Variants in ZNF180 observed in about 807,000 individuals in gnomAD.
ZNF180 encodes the protein zinc finger protein 180 (HHZ168).
ZNF180 carries 11 observed loss-of-function variants against 11.8 expected under a neutral mutation model. The observed-to-expected ratio is 0.93, with a 90% confidence interval of 0.59 to 1.55. The LOEUF is 1.55. Among genes scored for constraint, ZNF180 ranks in the 40% most tolerant of loss-of-function variants. ZNF180 has a pLI of 0.00. For synonymous variants in ZNF180, 287 were observed against 257.7 expected (o/e 1.11, Z -1.09); for missense variants, 773 against 781.7 (o/e 0.99, Z 0.13).
At chr19:44,491,433 A>G (rs1246888621) in intron 2 of ZNF180, among the ~76,000 whole-genome samples, 1 of 152,246 alleles carries the variant, frequency 6.6e-6, no homozygotes, top group Non-Finnish European at 1.5e-5. Context: ...ATTACTGACC[A>G]TTTTAGGAAT....
At position 44,477,887 on chromosome 19, in the gene ZNF180, C is replaced by G; in HGVS notation, c.513G>C (p.Lys171Asn). 1 of 1,613,944 alleles carries G rather than the reference C, an allele frequency of 6.2e-7. No individual in the cohort carries two copies. The highest frequency in any genetic ancestry group is 8.5e-7 in the Non-Finnish European group (1 of 1,179,998). ...RVCKSDETGE[K>N]SGLNSSLFSS... ...AAAATAGACTGGAATTCAGACCACT[C>G]TTCTCCCCAGTTTCATCACTTTTGC... The change falls in exon 5 of 5, where the codon AAG (lysine) becomes AAC (asparagine). Residue 171 changes from lysine to asparagine, a missense_variant. Transcript: ENST00000592529.
chr19:44,480,941 G>A (rs1970062287), intron 3 of ZNF180, among the ~76,000 whole-genome samples: 1 of 152,136 alleles, frequency 6.6e-6, no homozygotes, highest in Non-Finnish European at 1.5e-5. Context: ...GAGCCAAAGT[G>A]ACCTTTATTC....
At chr19:44,494,618 T>C (rs1970532889) in intron 2 of ZNF180, among the ~76,000 whole-genome samples, 1 of 152,092 alleles carries the variant, frequency 6.6e-6, no homozygotes, top group African/African-American at 2.4e-5. Flanking sequence ...GCTGCAGTGA[T>C]CTATGCTGGT....
intron 2 of ZNF180, among the ~76,000 whole-genome samples, chr19:44,494,415 G>A (rs1054561899): frequency 1.3e-5 from 2 of 152,070 alleles, no homozygotes; most frequent in African/African-American, 4.8e-5. Context: ...CCGTAATCCC[G>A]GCACTTTGGG....
chr19:44,483,720 T>C (rs1301354896), intron 3 of ZNF180, among the ~76,000 whole-genome samples: 1 of 152,242 alleles, frequency 6.6e-6, no homozygotes, highest in African/African-American at 2.4e-5. Context: ...CATATAGAGC[T>C]AATTTATTCA....
intron 2 of ZNF180, among the ~76,000 whole-genome samples, chr19:44,489,081 CCGCCCCG>C (rs1970339978): frequency 7.6e-6 from 1 of 131,602 alleles, no homozygotes; most frequent in East Asian, 4.6e-4. Context: ...GCCCGGCCAG[CCGCCCCG>C]TCCGGGAGGG....
chr19:44,479,524 TA>T, intron 3 of ZNF180, 115 bp from the exon 4 acceptor site: 1 of 1,432,470 alleles, frequency 7.0e-7, no homozygotes, highest in Non-Finnish European at 9.6e-7. Flanking sequence ...GAGTTGTCCT[TA>T]AATTGTCAGT....
At position 44,477,101 on chromosome 19, in the gene ZNF180, G is replaced by A. The variant is rs954313; in HGVS notation, c.1299C>T (p.Thr433=). ...GATTACATTCATAGGGCTTCTCTCC[G>A]GTATGTGTTCTTTGATGTGCAATAA... is the stretch of plus-strand genomic sequence containing the variant. ...YKLIAHQRTH[T]GEKPYECNQC... Residue 433 remains threonine (T), a synonymous_variant, in exon 5 of 5, where the codon ACC becomes ACT. Transcript: ENST00000592529. 0.063 allele frequency: 101,222 copies of A among 1,613,732 alleles called. 5,443 individuals are homozygous for A. The highest frequency in any genetic ancestry group is 0.33 in the East Asian group (14,827 of 44,844).
rs1230717403 is a variant in ZNF180, at chr19:44,477,523, G to C, written c.877C>G (p.Gln293Glu). 1 of 1,614,076 alleles carries C rather than the reference G, an allele frequency of 6.2e-7. No individual in the cohort carries two copies. The highest frequency in any genetic ancestry group is 8.5e-7 in the Non-Finnish European group (1 of 1,180,006). Residue 293 changes from glutamine to glutamate, a missense_variant, in exon 5 of 5, where the codon CAG (glutamine) becomes GAG (glutamate). Gln to Glu is a conservative substitution (Grantham distance 29). Transcript: ENST00000592529. The stretch of plus-strand genomic sequence containing the variant: ...TGACTCTCTTCAAAAGGAATTCTCT[G>C]TTGTTCATTATGGGATATTTTGGGG... ...LNPKISHNEQ[Q>E]RIPFEESQYK...
chr19:44,491,407 G>T (rs966227373), intron 2 of ZNF180, among the ~76,000 whole-genome samples: 1 of 152,176 alleles, frequency 6.6e-6, no homozygotes, highest in Non-Finnish European at 1.5e-5. Context: ...TTTTCCCCAG[G>T]TTCTACTCAC....
At position 44,477,463 on chromosome 19, in the gene ZNF180, G is replaced by A. The variant is rs759634657; in HGVS notation, c.937C>T (p.Leu313Phe). 3 of 1,613,946 alleles carry A rather than the reference G, an allele frequency of 1.9e-6. No homozygotes were observed. The highest frequency in any genetic ancestry group is 2.7e-5 in the African/African-American group (2 of 74,934). ...GAATTATTTCTCATGTTTTGAGTAAGGGAGGAACTATGAGAGGTTTCACTA... is the reference window on the plus strand; with the variant it reads ...GAATTATTTCTCATGTTTTGAGTAAAGGAGGAACTATGAGAGGTTTCACTA... ...KCSETSHSSSLTQNMRNNSEE... is the reference protein window; with the variant it reads ...KCSETSHSSSFTQNMRNNSEE... Residue 313 changes from leucine to phenylalanine, a missense_variant, in exon 5 of 5, where the codon CTT (leucine) becomes TTT (phenylalanine). Leu to Phe is a conservative substitution (Grantham distance 22). Transcript: ENST00000592529.
At position 44,477,970 on chromosome 19, in the gene ZNF180, T is replaced by C. The variant is rs375077497; in HGVS notation, c.430A>G (p.Ile144Val). 17 of 1,613,964 alleles carry C rather than the reference T, an allele frequency of 1.1e-5. No homozygotes were observed. The African/African-American group carries it at 2.3e-4, about 22-fold the overall frequency. ...GTGAATGCCACTTCCTGCAAAAGTA[T>C]CTCTTGTTTTTCCTGTTGCTTCTCC... is the stretch of plus-strand genomic sequence containing the variant. ...QLEKQQEKQEILLQEVAFTQR... is the reference protein window; with the variant it reads ...QLEKQQEKQEVLLQEVAFTQR... The change falls in exon 5 of 5, where the codon ATA becomes GTA. Residue 144 changes from isoleucine (I) to valine (V), a missense_variant. Transcript: ENST00000592529.
Position 44,476,617 on chromosome 19 carries a change from G to GAGT in ZNF180, c.1780_1782dup (p.Thr594dup). 6.2e-7 allele frequency: 1 copy of GAGT among 1,613,902 alleles called. No homozygotes were observed. Among genetic ancestry groups the GAGT allele is most frequent in the Non-Finnish European group, 8.5e-7 (1 of 1,179,960 alleles). ...TCTCCAGTATGAGTTCTCTGATGTT[G>GAGT]AGTAAGGCATGAACTCTGTCTGAAG... On this transcript the variant is annotated inframe_insertion, in exon 5 of 5. Transcript: ENST00000592529.
In ZNF180 at chr19:44,477,175, G is replaced by T. The variant is rs758751130; in HGVS notation, c.1225C>A (p.Pro409Thr). ...TTTCCACACTGATTGCATTCATAAGGCTTCTCCCCAGTATGAGTTCTTTGA... is the reference window on the plus strand; with the variant it reads ...TTTCCACACTGATTGCATTCATAAGTCTTCTCCCCAGTATGAGTTCTTTGA... ...VHQRTHTGEK[P>T]YECNQCGKSF... Residue 409 changes from proline to threonine, a missense_variant, in exon 5 of 5, where the codon CCT becomes ACT. Physicochemically the swap from Pro to Thr is conservative, Grantham distance 38. Coordinates refer to ENST00000592529, the MANE Select transcript of ZNF180 (RefSeq NM_001278509.3). 6.2e-7 allele frequency: 1 copy of T among 1,613,310 alleles called. No individual in the cohort carries two copies. The highest frequency in any genetic ancestry group is 1.1e-5 in the South Asian group (1 of 91,048).
intron 4 of ZNF180, among the ~76,000 whole-genome samples, 181 bp from the exon 5 acceptor site, chr19:44,478,327 A>T (rs999207356): frequency 2.6e-5 from 4 of 152,254 alleles, no homozygotes; most frequent in African/African-American, 9.6e-5. Context: ...CCACAGCCCA[A>T]TATTACAACA....
At chr19:44,489,958 GAAAGAAAGA>G (rs1376811473) in intron 2 of ZNF180, among the ~76,000 whole-genome samples, 20 of 115,954 alleles carry the variant, frequency 1.7e-4, no homozygotes, top group Non-Finnish European at 3.1e-4. Context: ...AGAGGGAAAA[GAAAGAAAGA>G]AAAGAAAGAA....
chr19:44,486,143 C>T (rs568202700), intron 2 of ZNF180, among the ~76,000 whole-genome samples: 6 of 151,916 alleles, frequency 3.9e-5, no homozygotes, highest in East Asian at 1.9e-4. Context: ...TTGCATGTAC[C>T]GATACATATA....
At chr19:44,493,276 T>G (rs1171352619) in intron 2 of ZNF180, among the ~76,000 whole-genome samples, 1 of 152,202 alleles carries the variant, frequency 6.6e-6, no homozygotes, top group African/African-American at 2.4e-5. Context: ...TGAAGGCAGG[T>G]AGGGCTCAGA....
At chr19:44,484,287 A>G in intron 3 of ZNF180, 74 bp downstream of exon 3, 7 of 1,296,274 alleles carry the variant, frequency 5.4e-6, no homozygotes, top group South Asian at 1.2e-5. Context: ...CGCCCGGCCT[A>G]TTTCCTCACT....
Sources: gnomAD v4.1 joint callset for allele counts (sites outside exome capture counted in the v4.1 genomes callset) on GRCh38, gnomAD v4.1.1 for gene constraint, MANE v1.5 for transcripts, NCBI Gene and HGNC (gene_info 2026-07-23, HGNC 2026-07-21) for gene names.